The following PROM1 variants were observed in gnomAD, a reference collection of about 807,000 sequenced individuals.
PROM1 encodes the protein prominin-1.
A neutral mutation model predicts 116.9 loss-of-function variants in PROM1; 105 were observed. That is an observed-to-expected ratio of 0.90 (90% CI 0.77 to 1.06). The LOEUF (loss-of-function observed/expected upper bound fraction) is 1.06, where lower values mean the gene tolerates loss of function less well. Ranked by LOEUF, PROM1 falls within the 50% of genes least tolerant of loss-of-function variation. The pLI, the probability that PROM1 is intolerant of heterozygous loss-of-function variation, is 0.00. For missense variants in PROM1, 1,122 were observed against 1,045.2 expected, an observed-to-expected ratio of 1.07 and a Z score of -1.01; for synonymous variants, 393 against 387.0, an observed-to-expected ratio of 1.02 and a Z score of -0.18.
intron 3 of PROM1, among the ~76,000 whole-genome samples, chr4:16,037,515 C>A (rs1044522465): frequency 5.9e-5 from 9 of 152,196 alleles, no homozygotes; most frequent in African/African-American, 2.2e-4. Flanking sequence ...TTTGTAACTA[C>A]CGTATCTGAG....
Position 15,986,015 on chromosome 4 carries a change from G to C in PROM1, c.2153C>G (p.Ala718Gly). Residue 718 changes from alanine (A) to glycine (G), a missense_variant, in exon 21 of 28, where the codon GCT (alanine) becomes GGT (glycine). Coordinates refer to ENST00000447510, the MANE Select transcript of PROM1 (RefSeq NM_006017.3). The part of the protein sequence containing the change: ...GLLERVTRIL[A>G]SLDFAQNFIT... ...GAAGTTCTGAGCAAAATCCAGAGAA[G>C]CTAGAATCCTAGTTACTCTCTCCTG... The C allele has an allele frequency of 6.3e-7, 1 of 1,579,362 alleles. No individual in the cohort carries two copies. Among genetic ancestry groups the C allele is most frequent in the Non-Finnish European group, 8.6e-7 (1 of 1,156,494 alleles).
intron 27 of PROM1, among the ~76,000 whole-genome samples, 190 bp from the exon 28 acceptor site, chr4:15,969,558 CTT>C (rs1560360423): frequency 6.6e-6 from 1 of 151,958 alleles, no homozygotes; most frequent in Admixed American, 6.6e-5. Context: ...TAGAAAAAAA[CTT>C]TGTGGTTTTT....
chr4:16,022,618 T>C (rs1170064583), intron 8 of PROM1, among the ~76,000 whole-genome samples: 1 of 152,176 alleles, frequency 6.6e-6, no homozygotes, highest in Non-Finnish European at 1.5e-5. Context: ...GAAAGTAAAA[T>C]TCATATTGGC....
chr4:15,977,755 T>C (rs1036971517), intron 26 of PROM1, among the ~76,000 whole-genome samples: 12 of 152,144 alleles, frequency 7.9e-5, no homozygotes, highest in African/African-American at 2.7e-4. Context: ...TGTGCCACCA[T>C]ACCTGGCTAA....
At chr4:16,023,583 C>T (rs1018609715) in intron 7 of PROM1, among the ~76,000 whole-genome samples, 168 bp from the exon 8 acceptor site, 4 of 152,122 alleles carry the variant, frequency 2.6e-5, no homozygotes, top group African/African-American at 7.2e-5. Context: ...TTCAGGGTCT[C>T]CGCACCAACT....
At chr4:16,030,988 G>A (rs953754074) in intron 5 of PROM1, among the ~76,000 whole-genome samples, 2 of 152,160 alleles carry the variant, frequency 1.3e-5, no homozygotes, top group African/African-American at 4.8e-5. Flanking sequence ...GGAGGTTGGA[G>A]TGAGCTGTGA....
intron 2 of PROM1, among the ~76,000 whole-genome samples, chr4:16,075,235 G>A (rs924047173): frequency 2.0e-5 from 3 of 152,142 alleles, no homozygotes; most frequent in African/African-American, 4.8e-5. Context: ...CTTACCCTAA[G>A]CAATGTCAAA....
At chr4:15,992,431 C>T (rs1168804267) in intron 16 of PROM1, 40 bp from the exon 17 acceptor site, 1 of 1,596,292 alleles carries the variant, frequency 6.3e-7, no homozygotes, top group Non-Finnish European at 8.6e-7. Context: ...CCTTATTCTC[C>T]AAGAATGTCA....
intron 2 of PROM1, among the ~76,000 whole-genome samples, chr4:16,053,833 G>T (rs962486540): frequency 2.6e-5 from 4 of 152,190 alleles, no homozygotes; most frequent in African/African-American, 9.7e-5. Flanking sequence ...AGTGGCTCAC[G>T]CCTATAATCC....
intron 11 of PROM1, 46 bp downstream of exon 11, chr4:16,013,229 G>T: frequency 6.8e-7 from 1 of 1,480,178 alleles, no homozygotes; most frequent in Non-Finnish European, 9.4e-7. Flanking sequence ...ACATTTCTCT[G>T]TACTGACCTA....
At chr4:15,983,151 G>A (rs967045902) in intron 23 of PROM1, among the ~76,000 whole-genome samples, 10 of 152,170 alleles carry the variant, frequency 6.6e-5, no homozygotes, top group African/African-American at 2.2e-4. Context: ...TAAAGGAAAA[G>A]CATAGAGTTC....
intron 8 of PROM1, among the ~76,000 whole-genome samples, chr4:16,022,658 T>A (rs1730198821): frequency 6.6e-6 from 1 of 152,228 alleles, no homozygotes; most frequent in Non-Finnish European, 1.5e-5. Flanking sequence ...GATGTAATTG[T>A]CCTCTCTATC....
intron 2 of PROM1, among the ~76,000 whole-genome samples, chr4:16,039,772 TC>T (rs1408621524): frequency 1.3e-5 from 2 of 151,988 alleles, no homozygotes; most frequent in Non-Finnish European, 2.9e-5. Context: ...ATCCTTCTCT[TC>T]CTGTCTCCAA....
intron 26 of PROM1, among the ~76,000 whole-genome samples, chr4:15,973,858 T>A (rs1243051108): frequency 2.0e-5 from 3 of 151,966 alleles, no homozygotes; most frequent in Non-Finnish European, 4.4e-5. Context: ...CGTCCCTGAG[T>A]CTATCTGCAA....
chr4:15,982,884 G>T (rs1187891097), intron 23 of PROM1, among the ~76,000 whole-genome samples: 1 of 152,168 alleles, frequency 6.6e-6, no homozygotes, highest in Non-Finnish European at 1.5e-5. Flanking sequence ...TTTCACTCAG[G>T]CATGAAAGAC....
At chr4:16,083,854 G>A (rs991936637) in intron 1 of PROM1, 124 bp downstream of exon 1, 1 of 152,222 alleles carries the variant, frequency 6.6e-6, no homozygotes, top group African/African-American at 2.4e-5. Context: ...CGGACCCTCG[G>A]ACGTGGCGGG....
chr4:16,056,133 G>A (rs188207382), intron 2 of PROM1, among the ~76,000 whole-genome samples: 140 of 152,262 alleles, frequency 9.2e-4, no homozygotes, highest in East Asian at 1.2e-3. Context: ...GAGCATCCTC[G>A]TGGGGGCTGT....
intron 20 of PROM1, among the ~76,000 whole-genome samples, chr4:15,987,087 C>T (rs1459760709): frequency 6.6e-6 from 1 of 152,226 alleles, no homozygotes; most frequent in Non-Finnish European, 1.5e-5. Flanking sequence ...GTGGAGTATA[C>T]TTCCCCAGCC....
intron 2 of PROM1, among the ~76,000 whole-genome samples, chr4:16,043,945 C>T (rs1280834875): frequency 6.6e-6 from 1 of 152,186 alleles, no homozygotes; most frequent in East Asian, 1.9e-4. Flanking sequence ...CTGTCTCCCT[C>T]TCACACACCC....
Sources: allele counts gnomAD v4.1 joint callset (sites outside exome capture counted in the v4.1 genomes callset), GRCh38; gene constraint gnomAD v4.1.1; transcripts MANE v1.5; gene names NCBI Gene and HGNC (gene_info 2026-07-23, HGNC 2026-07-21).